RUBCN: variants seen among roughly 807,000 people sequenced by gnomAD.
RUBCN encodes the protein rubicon autophagy regulator.
Under a neutral mutation model 113.2 loss-of-function variants are expected in RUBCN, and 74 were observed. The observed-to-expected ratio is 0.65, with a 90% confidence interval of 0.54 to 0.79. RUBCN has a LOEUF of 0.79. Ranked by LOEUF, RUBCN falls within the 30% of genes least tolerant of loss-of-function variation. RUBCN has a pLI of 0.00. For synonymous variants in RUBCN, 480 were observed against 490.0 expected (o/e 0.98, Z 0.27); for missense variants, 1,109 against 1,251.7 (o/e 0.89, Z 1.72).
chr3:197,745,508 G>C (rs1460739674), intron 1 of RUBCN, among the ~76,000 whole-genome samples: 1 of 149,542 alleles, frequency 6.7e-6, no homozygotes, highest in South Asian at 2.1e-4. Flanking sequence ...CCAGCTACTT[G>C]GGAGGCTAAG....
upstream of RUBCN, chr3:197,749,815 G>T (rs1182994216): frequency 6.3e-6 from 3 of 479,554 alleles, no homozygotes; most frequent in Admixed American, 1.3e-4. Context: ...CGCGAGTGTC[G>T]GTGGCCCCGC....
At chr3:197,694,010 C>A (rs1328186634) in intron 10 of RUBCN, 194 bp from the exon 11 acceptor site, 3 of 582,888 alleles carry the variant, frequency 5.1e-6, no homozygotes, top group Non-Finnish European at 9.1e-6. Context: ...TAGGTCTCCT[C>A]ATATCAGGAA....
intron 16 of RUBCN, among the ~76,000 whole-genome samples, chr3:197,680,594 T>C (rs1721107234): frequency 6.6e-6 from 1 of 152,208 alleles, no homozygotes; most frequent in African/African-American, 2.4e-5. Flanking sequence ...TGTCCTATGC[T>C]CTAACTTGCT....
At position 197,675,492 on chromosome 3, in the gene RUBCN, GA is replaced by G; in HGVS notation, c.2669del (p.Ile890ThrfsTer131). 1 of 1,614,076 alleles carries G rather than the reference GA, an allele frequency of 6.2e-7. No homozygotes were observed. The highest frequency in any genetic ancestry group is 8.5e-7 in the Non-Finnish European group (1 of 1,179,964). Reference sequence around the variant, plus strand: ...CATCCTCATTCTGACAGAACTCACAGATGAAGCCTTTGGCTTGGCAGAGCTG... The same window carrying G: ...CATCCTCATTCTGACAGAACTCACAGTGAAGCCTTTGGCTTGGCAGAGCTG... ...RCMLCQAKGF[I>X]CEFCQNEDDI... On this transcript the variant is annotated frameshift_variant, in exon 19 of 20. Coordinates refer to ENST00000296343, the MANE Select transcript of RUBCN (RefSeq NM_014687.4). LOFTEE classifies it high-confidence loss of function. This position sits in a 1 kb window ranked among gnomAD's most constrained non-coding sequence, Gnocchi z 4.4.
Position 197,681,040 on chromosome 3 carries a change from A to AT in RUBCN, c.2430+88dup. 2.2e-6 allele frequency: 1 copy of AT among 462,448 alleles called. No homozygotes were observed. The highest frequency in any genetic ancestry group is 3.9e-6 in the Non-Finnish European group (1 of 257,956). The allele number at this position is 462,448 out of a possible 1,614,324, so 28.6% of individuals were successfully genotyped here. On this transcript the variant is annotated intron_variant, in intron 16 of 19. Transcript: ENST00000296343. The surrounding 1 kb of genome is among the most constrained non-coding windows in gnomAD (Gnocchi z 5.5). ...TGGGGGGAGGGGACAAGAGGAGGGG[A>AT]TGGGGGGAGGGGACGGGGGAGGGAC...
chr3:197,703,384 C>G (rs1354044060), intron 5 of RUBCN, among the ~76,000 whole-genome samples, 164 bp downstream of exon 5: 1 of 105,838 alleles, frequency 9.4e-6, no homozygotes, highest in African/African-American at 3.8e-5. Flanking sequence ...GGAAACAGAG[C>G]GAGACTCTGT....
At chr3:197,708,922 A>G (rs1309079759) in intron 2 of RUBCN, among the ~76,000 whole-genome samples, 1 of 152,170 alleles carries the variant, frequency 6.6e-6, no homozygotes, top group Non-Finnish European at 1.5e-5. Flanking sequence ...AAGTTAGGGG[A>G]AAAATGAAAA....
At chr3:197,678,328 G>A (rs1168220138) in intron 16 of RUBCN, among the ~76,000 whole-genome samples, 2 of 134,610 alleles carry the variant, frequency 1.5e-5, no homozygotes, top group Non-Finnish European at 3.1e-5. Context: ...GCTCTAACTC[G>A]ACAACTGGCT....
intron 3 of RUBCN, 91 bp from the exon 4 acceptor site, chr3:197,704,792 G>A: frequency 7.4e-7 from 1 of 1,356,374 alleles, no homozygotes; most frequent in African/African-American, 1.4e-5. Context: ...ATTGAGACAG[G>A]TAAGGGAAAT....
rs1427157183 is a variant in RUBCN, at chr3:197,732,503, C to T, written c.65+4152G>A. 7.9e-5 allele frequency among the ~76,000 whole-genome samples: 12 copies of T among 152,244 alleles called. 1 individual carries two copies. Among genetic ancestry groups the T allele is most frequent in the Admixed American group, 6.5e-4 (10 of 15,298 alleles). Reference sequence around the variant, plus strand: ...TAATTTTTTGTATTTTTAGTAGAGACGGGGTTTCACTGTGTTAGCCAGGAT... The same window carrying T: ...TAATTTTTTGTATTTTTAGTAGAGATGGGGTTTCACTGTGTTAGCCAGGAT... On this transcript the variant is annotated intron_variant, in intron 1 of 19. Transcript: ENST00000296343.
At position 197,704,639 on chromosome 3, in the gene RUBCN, G is replaced by T; in HGVS notation, c.366C>A (p.Ala122=). The change falls in exon 4 of 20, where the codon GCC becomes GCA. Residue 122 remains alanine, a synonymous_variant. Coordinates refer to ENST00000296343, the MANE Select transcript of RUBCN (RefSeq NM_014687.4). The part of the protein sequence containing the change: ...SADGASERAV[A]ELWLQHSLQY... ...GCAGGCTGTGCTGCAGCCACAGCTC[G>T]GCAACAGCACGTTCACTGGCACCAT... The T allele has an allele frequency of 1.2e-6, 2 of 1,614,108 alleles. No individual in the cohort carries two copies. The highest frequency in any genetic ancestry group is 1.7e-6 in the Non-Finnish European group (2 of 1,179,990).
intron 14 of RUBCN, 131 bp downstream of exon 14, chr3:197,682,339 C>A (rs1361620296): frequency 1.8e-6 from 2 of 1,101,820 alleles, no homozygotes; most frequent in Admixed American, 2.1e-5. Flanking sequence ...GACGCCCCCC[C>A]TCTGCCTTTA....
At chr3:197,710,052 C>T (rs1373256427) in intron 2 of RUBCN, among the ~76,000 whole-genome samples, 1 of 151,878 alleles carries the variant, frequency 6.6e-6, no homozygotes, top group East Asian at 2.0e-4. Context: ...CACCTGTAAT[C>T]CCAGCTCCTC....
intron 1 of RUBCN, among the ~76,000 whole-genome samples, chr3:197,719,139 T>TG (rs1266603764): frequency 6.6e-6 from 1 of 152,164 alleles, no homozygotes; most frequent in Non-Finnish European, 1.5e-5. Flanking sequence ...TGCATACCTG[T>TG]GTTCTGATTC....
At chr3:197,743,751 C>T (rs543345655) in intron 1 of RUBCN, among the ~76,000 whole-genome samples, 12 of 152,176 alleles carry the variant, frequency 7.9e-5, no homozygotes, top group Middle Eastern at 3.4e-3. Flanking sequence ...TTTGGGAGGC[C>T]GAGGTGGGTG....
chr3:197,703,555 G>A lies in RUBCN; in HGVS notation c.563C>T (p.Ala188Val), dbSNP rs775760078. The change falls in exon 5 of 20, where the codon GCG (alanine) becomes GTG (valine). Residue 188 changes from alanine to valine, a missense_variant. This residue lies in a region of RUBCN where 736 missense variants were observed against 779.6 expected (regional missense o/e 0.94). Transcript: ENST00000296343. ...NNPRLLAQID[A>V]SMFARKHESP... is the part of the protein sequence containing the mutation. ...ATTCCTTGTCCCCTGTACCATGGAC[G>A]CATCGATCTGAGCCAGGAGGCGGGG... 22 of 1,606,994 alleles carry A rather than the reference G, an allele frequency of 1.4e-5. No individual in the cohort carries two copies. The highest frequency in any genetic ancestry group is 3.3e-4 in the Middle Eastern group (2 of 6,070).
rs1726714614 is a variant in RUBCN, at chr3:197,726,093, C to T, written c.66-7963G>A. Among the ~76,000 whole-genome samples, 3 of 152,128 alleles carry T rather than the reference C, an allele frequency of 2.0e-5. No homozygotes were observed. The South Asian group carries it at 6.2e-4, about 32-fold the overall frequency. The stretch of plus-strand genomic sequence containing the variant: ...CTAAATAATCTGACCCACTATAGCT[C>T]CTTTATTAGAACTCCAAAAGCGTAT... On this transcript the variant is annotated intron_variant, in intron 1 of 19. Coordinates refer to ENST00000296343, the MANE Select transcript of RUBCN (RefSeq NM_014687.4).
chr3:197,684,091 C>A (rs1230758306), intron 12 of RUBCN, 66 bp downstream of exon 12: 1 of 1,295,102 alleles, frequency 7.7e-7, no homozygotes, highest in East Asian at 2.3e-5. Flanking sequence ...ACACCAAGAA[C>A]TGGGTTTGTT....
At chr3:197,695,039 G>A (rs537724641) in intron 9 of RUBCN, among the ~76,000 whole-genome samples, 76 of 152,354 alleles carry the variant, frequency 5.0e-4, no homozygotes, top group Admixed American at 7.8e-4. Context: ...CAAGGGAACC[G>A]CAATCATGCA....
Sources: gnomAD v4.1 joint callset for allele counts (sites outside exome capture counted in the v4.1 genomes callset) on GRCh38, gnomAD v4.1.1 for gene constraint, gnomAD v4.1.1 regional missense constraint, Gnocchi (gnomAD v3.1) non-coding constraint, MANE v1.5 for transcripts, NCBI Gene and HGNC (gene_info 2026-07-23, HGNC 2026-07-21) for gene names.